SPMIP2: variants seen among roughly 807,000 people sequenced by gnomAD.
The protein encoded by SPMIP2 is sperm microtubule inner protein 2.
the SPMIP2 span, among the ~76,000 whole-genome samples, chr4:158,928,032 G>A: frequency 4.6e-5 from 7 of 152,274 alleles, no homozygotes; most frequent in Admixed American, 2.6e-4. Context: ...AATGAGCGCC[G>A]CCCCCTGCTC....
At chr4:159,066,737 G>A in the SPMIP2 span, among the ~76,000 whole-genome samples, 1 of 151,928 alleles carries the variant, frequency 6.6e-6, no homozygotes, top group Non-Finnish European at 1.5e-5. Context: ...TTGGGAATTT[G>A]TAACCTTATA....
At chr4:159,010,814 G>A in the SPMIP2 span, among the ~76,000 whole-genome samples, 12 of 152,156 alleles carry the variant, frequency 7.9e-5, no homozygotes, top group Non-Finnish European at 1.3e-4. Flanking sequence ...ATTGCATAAT[G>A]TCTTACCTAT....
chr4:158,998,766 C>T, the SPMIP2 span, among the ~76,000 whole-genome samples: 1 of 152,136 alleles, frequency 6.6e-6, no homozygotes, highest in Non-Finnish European at 1.5e-5. Context: ...TTTTATTGCT[C>T]TGAGTAATGA....
the SPMIP2 span, among the ~76,000 whole-genome samples, chr4:158,920,999 TTC>T: frequency 6.6e-6 from 1 of 152,336 alleles, no homozygotes; most frequent in Admixed American, 6.5e-5. Flanking sequence ...TGTAAAATTC[TTC>T]TGTTTATACT....
At chr4:158,956,539 G>A in the SPMIP2 span, among the ~76,000 whole-genome samples, 2 of 152,214 alleles carry the variant, frequency 1.3e-5, no homozygotes, top group South Asian at 2.1e-4. Context: ...CTCCAGCCTC[G>A]GCAACAGAGC....
chr4:158,984,399 G>A, the SPMIP2 span, among the ~76,000 whole-genome samples: 91,474 of 145,592 alleles, frequency 0.63, 29,134 homozygotes, highest in Middle Eastern at 0.7. Context: ...TCTCCTCTGC[G>A]AATGTAAAAG....
At chr4:158,893,702 G>A in the SPMIP2 span, 3 of 1,589,116 alleles carry the variant, frequency 1.9e-6, no homozygotes, top group East Asian at 2.2e-5. Context: ...TGATTTAGAG[G>A]TTAATGTTTC....
the SPMIP2 span, among the ~76,000 whole-genome samples, chr4:158,901,353 G>T: frequency 4.6e-5 from 7 of 152,102 alleles, no homozygotes; most frequent in African/African-American, 1.7e-4. Flanking sequence ...TTTCTGCAGA[G>T]ATCTGCTGTT....
At chr4:158,997,323 T>A in the SPMIP2 span, among the ~76,000 whole-genome samples, 1 of 151,030 alleles carries the variant, frequency 6.6e-6, no homozygotes, top group Admixed American at 6.6e-5. Context: ...CTCTGCCTCC[T>A]GGGTTCCAGC....
the SPMIP2 span, chr4:158,915,176 C>CT: frequency 6.2e-7 from 1 of 1,610,714 alleles, no homozygotes; most frequent in Non-Finnish European, 8.5e-7. Flanking sequence ...ATACCTTTTC[C>CT]TTTTTTGGTA....
chr4:159,020,800 T>C, the SPMIP2 span, among the ~76,000 whole-genome samples: 164 of 152,292 alleles, frequency 1.1e-3, 1 homozygote, highest in Middle Eastern at 3.4e-3. Context: ...CTCACTCTGT[T>C]GCCCAGGCTG....
chr4:158,907,569 A>G, the SPMIP2 span: 1 of 152,220 alleles, frequency 6.6e-6, no homozygotes, highest in African/African-American at 2.4e-5. Context: ...TAAAAATAAT[A>G]AAGAATATAA....
chr4:159,065,321 A>G, the SPMIP2 span, among the ~76,000 whole-genome samples: 1 of 152,236 alleles, frequency 6.6e-6, no homozygotes, highest in African/African-American at 2.4e-5. Flanking sequence ...TTCACCATAA[A>G]CTAAGTTTCA....
the SPMIP2 span, among the ~76,000 whole-genome samples, chr4:159,003,108 T>C: frequency 6.6e-6 from 1 of 152,240 alleles, no homozygotes; most frequent in Non-Finnish European, 1.5e-5. Flanking sequence ...ATTTTATATC[T>C]CCCTGCCAAG....
chr4:159,031,336 T>C, the SPMIP2 span, among the ~76,000 whole-genome samples: 1,593 of 152,292 alleles, frequency 0.01, 21 homozygotes, highest in African/African-American at 0.035. Context: ...AAATTCAGTT[T>C]ACAGAGAATA....
the SPMIP2 span, among the ~76,000 whole-genome samples, chr4:159,065,751 A>G: frequency 2.0e-5 from 3 of 152,214 alleles, no homozygotes; most frequent in Non-Finnish European, 2.9e-5. Flanking sequence ...TCCTTCCTTC[A>G]AAGTAGAGAG....
chr4:159,073,561 C>T, the SPMIP2 span, among the ~76,000 whole-genome samples: 1 of 152,150 alleles, frequency 6.6e-6, no homozygotes, highest in Non-Finnish European at 1.5e-5. Flanking sequence ...ACCAAAATAC[C>T]TAACCATGCT....
the SPMIP2 span, among the ~76,000 whole-genome samples, chr4:158,948,691 C>T: frequency 3.3e-5 from 5 of 151,458 alleles, no homozygotes; most frequent in Non-Finnish European, 5.9e-5. Context: ...TGACTCATGG[C>T]AGCTTCGATC....
At chr4:158,935,794 T>G in the SPMIP2 span, among the ~76,000 whole-genome samples, 1 of 152,310 alleles carries the variant, frequency 6.6e-6, no homozygotes, top group African/African-American at 2.4e-5. Context: ...GGCTGTGCCT[T>G]ACTTATATAA....
Sources: allele counts gnomAD v4.1 joint callset (sites outside exome capture counted in the v4.1 genomes callset), GRCh38; gene constraint gnomAD v4.1.1; transcripts MANE v1.5; gene names NCBI Gene and HGNC (gene_info 2026-07-23, HGNC 2026-07-21).